ENTREP2: variants seen among roughly 807,000 people sequenced by gnomAD.
ENTREP2 encodes the protein protein ENTREP2.
chr15:29,377,508 ACAG>A, the ENTREP2 span, among the ~76,000 whole-genome samples: 18 of 152,070 alleles, frequency 1.2e-4, no homozygotes, highest in African/African-American at 3.4e-4. Flanking sequence ...CAGAGAGAAG[ACAG>A]GGGCAGCTGC....
At chr15:29,461,505 GGA>G in the ENTREP2 span, among the ~76,000 whole-genome samples, 3 of 151,912 alleles carry the variant, frequency 2.0e-5, no homozygotes, top group Middle Eastern at 3.4e-3. Flanking sequence ...TTTTTGAGAC[GGA>G]GTCTTGCTCT....
chr15:29,658,056 G>A, the ENTREP2 span, among the ~76,000 whole-genome samples: 7 of 152,142 alleles, frequency 4.6e-5, no homozygotes, highest in African/African-American at 1.7e-4. Flanking sequence ...TGCCAATGCT[G>A]ATGATATGGT....
the ENTREP2 span, among the ~76,000 whole-genome samples, chr15:29,364,239 GGTT>G: frequency 6.6e-6 from 1 of 152,118 alleles, no homozygotes; most frequent in African/African-American, 2.4e-5. Context: ...CATGGAAAGA[GGTT>G]TTTTTGGTTA....
the ENTREP2 span, among the ~76,000 whole-genome samples, chr15:29,133,937 C>T: frequency 6.6e-6 from 1 of 151,664 alleles, no homozygotes; most frequent in Non-Finnish European, 1.5e-5. Context: ...TGTCCTTCTT[C>T]CCTCTGAGCC....
chr15:29,479,967 C>T, the ENTREP2 span, among the ~76,000 whole-genome samples: 1 of 152,020 alleles, frequency 6.6e-6, no homozygotes, highest in South Asian at 2.1e-4. Flanking sequence ...ATGGCTGGAA[C>T]CTCTGCATCA....
the ENTREP2 span, among the ~76,000 whole-genome samples, chr15:29,260,123 A>G: frequency 2.6e-5 from 4 of 152,188 alleles, no homozygotes; most frequent in African/African-American, 9.6e-5. Context: ...GTCTGGGCCT[A>G]TTTGGGGTCT....
chr15:29,402,730 C>A, the ENTREP2 span, among the ~76,000 whole-genome samples: 7 of 152,212 alleles, frequency 4.6e-5, no homozygotes, highest in African/African-American at 1.7e-4. Context: ...CAAACAAATA[C>A]ATAAAGAAAA....
At chr15:29,381,674 A>G in the ENTREP2 span, 1 of 960,230 alleles carries the variant, frequency 1.0e-6, no homozygotes, top group Non-Finnish European at 1.6e-6. Context: ...CCGCTGCCTG[A>G]AAAGAAGTTG....
chr15:29,334,152 G>T, the ENTREP2 span, among the ~76,000 whole-genome samples: 4 of 152,178 alleles, frequency 2.6e-5, no homozygotes, highest in African/African-American at 9.7e-5. Context: ...GGAGCCCAAG[G>T]ATAGGAATCC....
chr15:29,211,676 T>G, the ENTREP2 span, among the ~76,000 whole-genome samples: 2 of 152,232 alleles, frequency 1.3e-5, no homozygotes, highest in African/African-American at 4.8e-5. Flanking sequence ...TGCCGAGAGT[T>G]TTAATCATAA....
chr15:29,520,664 T>C, the ENTREP2 span, among the ~76,000 whole-genome samples: 2 of 151,744 alleles, frequency 1.3e-5, no homozygotes, highest in African/African-American at 2.4e-5. Flanking sequence ...AAAAACAAAA[T>C]TGAAGTATTT....
At chr15:29,604,828 C>T in the ENTREP2 span, among the ~76,000 whole-genome samples, 1 of 152,164 alleles carries the variant, frequency 6.6e-6, no homozygotes, top group African/African-American at 2.4e-5. Flanking sequence ...GTAGTGCTGT[C>T]CCGTGAAGAT....
At chr15:29,500,901 G>C in the ENTREP2 span, among the ~76,000 whole-genome samples, 1 of 151,846 alleles carries the variant, frequency 6.6e-6, no homozygotes, top group Non-Finnish European at 1.5e-5. Flanking sequence ...GAATGAAAGA[G>C]AGAATATCAT....
chr15:29,301,190 T>G, the ENTREP2 span, among the ~76,000 whole-genome samples: 4,319 of 152,260 alleles, frequency 0.028, 224 homozygotes, highest in African/African-American at 0.098. Context: ...ACAGTTTTTC[T>G]TTACAATTCT....
chr15:29,534,273 G>A, the ENTREP2 span, among the ~76,000 whole-genome samples: 1 of 152,114 alleles, frequency 6.6e-6, no homozygotes, highest in Non-Finnish European at 1.5e-5. Context: ...TGTCTGAGAG[G>A]ATGGAGAAAT....
the ENTREP2 span, among the ~76,000 whole-genome samples, chr15:29,511,776 C>A: frequency 6.7e-6 from 1 of 148,440 alleles, no homozygotes; most frequent in African/African-American, 2.5e-5. Flanking sequence ...GCTCCCACAG[C>A]TTAGTACCTG....
the ENTREP2 span, among the ~76,000 whole-genome samples, chr15:29,625,584 C>G: frequency 6.6e-6 from 1 of 151,996 alleles, no homozygotes. Flanking sequence ...TTAGTGGAGA[C>G]AGGGTTTCAC....
chr15:29,596,478 C>CT, the ENTREP2 span, among the ~76,000 whole-genome samples: 10 of 152,124 alleles, frequency 6.6e-5, no homozygotes, highest in Non-Finnish European at 1.2e-4. Context: ...GGGGGCACAA[C>CT]TTTATCAGCT....
chr15:29,605,172 GGTATGGC>G, the ENTREP2 span, among the ~76,000 whole-genome samples: 2 of 152,130 alleles, frequency 1.3e-5, no homozygotes, highest in Admixed American at 6.6e-5. Flanking sequence ...ACCAAAATGT[GGTATGGC>G]AAATGGCAAA....
Sources: gnomAD v4.1 joint callset for allele counts (sites outside exome capture counted in the v4.1 genomes callset) on GRCh38, gnomAD v4.1.1 for gene constraint, MANE v1.5 for transcripts, NCBI Gene and HGNC (gene_info 2026-07-23, HGNC 2026-07-21) for gene names.